CDKN2A: variants seen among roughly 807,000 people sequenced by gnomAD.
CDKN2A encodes the protein cyclin dependent kinase inhibitor 2A.
Under a neutral mutation model 11.1 loss-of-function variants are expected in CDKN2A, and 3 were observed. That is an observed-to-expected ratio of 0.27 (90% CI 0.12 to 0.70). The LOEUF (loss-of-function observed/expected upper bound fraction) is 0.70. Among genes scored for constraint, CDKN2A ranks in the 30% least tolerant of loss-of-function variants. CDKN2A has a pLI of 0.77. For synonymous variants in CDKN2A, 122 were observed against 108.1 expected, an observed-to-expected ratio of 1.13 and a Z score of -0.80; for missense variants, 265 against 233.6, an observed-to-expected ratio of 1.13 and a Z score of -0.88.
intron 2 of CDKN2A, among the ~76,000 whole-genome samples, chr9:21,987,616 TA>T (rs1324888625): frequency 6.6e-6 from 1 of 152,122 alleles, no homozygotes; most frequent in Admixed American, 6.5e-5. Flanking sequence ...GTTCTGACTG[TA>T]AAAATGTGGT....
Position 21,968,480 on chromosome 9 carries a change from C to G in CDKN2A, c.458-238G>C. ...CGCCGACCGCTCAAGCGCTCCAGGT[C>G]CACCCGGCGGAGGGCAGAGAAAGCG... On this transcript the variant is annotated intron_variant, in intron 2 of 2. Coordinates refer to ENST00000304494, the MANE Select transcript of CDKN2A (RefSeq NM_000077.5). This position sits in a 1 kb window ranked among gnomAD's most constrained non-coding sequence, Gnocchi z 4.7. 8 of 1,466,024 alleles carry G rather than the reference C, an allele frequency of 5.5e-6. 1 individual carries two copies. The South Asian group carries it at 1.1e-4, about 21-fold the overall frequency. 90.8% of individuals were successfully genotyped at this position (1,466,024 alleles called of 1,614,324 possible). A position where few individuals can be genotyped will look rare whatever the true frequency, so the allele number is the denominator to read the frequency against.
intron 2 of CDKN2A, among the ~76,000 whole-genome samples, chr9:21,985,316 T>C (rs957854827): frequency 1.3e-5 from 2 of 152,064 alleles, no homozygotes; most frequent in South Asian, 2.1e-4. Context: ...TGTTACTCTT[T>C]GATATCCTAC....
chr9:21,990,633 A>AGAGAGAGAGAGAGAGAGAGAGAGAGG (rs1208018287), intron 2 of CDKN2A, among the ~76,000 whole-genome samples: 1 of 151,584 alleles, frequency 6.6e-6, no homozygotes, highest in African/African-American at 2.4e-5. Flanking sequence ...AGAGAGAGAG[A>AGAGAGAGAGAGAGAGAGAGAGAGAGG]GAGAGAGAGA....
At chr9:21,992,590 C>G in intron 2 of CDKN2A, 1 of 345,962 alleles carries the variant, frequency 2.9e-6, no homozygotes, top group South Asian at 1.2e-4. Context: ...TTAAAATCAC[C>G]ACAATGTTAT....
intron 1 of CDKN2A, among the ~76,000 whole-genome samples, chr9:21,972,645 G>A (rs1478874108): frequency 6.6e-6 from 1 of 152,196 alleles, no homozygotes; most frequent in Non-Finnish European, 1.5e-5. Flanking sequence ...ATTTGTAACA[G>A]CAGCAGTAGG....
intron 1 of CDKN2A, among the ~76,000 whole-genome samples, chr9:21,973,402 T>C (rs146399052): frequency 6.6e-6 from 1 of 152,346 alleles, no homozygotes; most frequent in East Asian, 1.9e-4. Flanking sequence ...TCATTTCCCC[T>C]TTTCTACATG....
rs768802553 is a variant in CDKN2A at position 21,974,567 on chromosome 9, C to G, written c.150+111G>C. 2.5e-6 allele frequency: 4 copies of G among 1,613,566 alleles called. No homozygotes were observed. Among genetic ancestry groups the G allele is most frequent in the Non-Finnish European group, 3.4e-6 (4 of 1,180,030 alleles). On this transcript the variant is annotated intron_variant, in intron 1 of 2. Coordinates refer to ENST00000304494, the MANE Select transcript of CDKN2A (RefSeq NM_000077.5). The surrounding 1 kb of genome is among the most constrained non-coding windows in gnomAD (Gnocchi z 5.2). ...CCCCTTCTGAAAACTCCCCAGGAAG[C>G]CTCCCCTTTTTCCGGAGAATCGAAG...
At chr9:21,986,635 G>C (rs1820303806) in intron 2 of CDKN2A, among the ~76,000 whole-genome samples, 2 of 152,062 alleles carry the variant, frequency 1.3e-5, no homozygotes, top group South Asian at 4.1e-4. Context: ...AAAACATAAG[G>C]ATATTGTGAT....
chr9:21,992,865 C>G (rs1198207738), intron 2 of CDKN2A, among the ~76,000 whole-genome samples: 1 of 152,076 alleles, frequency 6.6e-6, no homozygotes, highest in Non-Finnish European at 1.5e-5. Context: ...AGGGTCTTGT[C>G]AATGTTTCAA....
At chr9:21,983,928 A>G (rs1820247955) in intron 2 of CDKN2A, among the ~76,000 whole-genome samples, 2 of 151,986 alleles carry the variant, frequency 1.3e-5, no homozygotes. Context: ...AAACTTTCTG[A>G]GCCTTTATTT....
intron 1 of CDKN2A, chr9:21,994,110 G>T (rs750671166): frequency 3.8e-6 from 6 of 1,594,400 alleles, no homozygotes; most frequent in Non-Finnish European, 5.1e-6. Flanking sequence ...TGCCGAATGC[G>T]CCCCGGACTT....
At chr9:21,986,325 G>A (rs544017109) in intron 2 of CDKN2A, among the ~76,000 whole-genome samples, 1 of 152,016 alleles carries the variant, frequency 6.6e-6, no homozygotes, top group Admixed American at 6.5e-5. Context: ...ATTTTTCACT[G>A]GTTTTATTTT....
Position 21,968,821 on chromosome 9 carries a change from C to T in CDKN2A, c.458-579G>A. The T allele has an allele frequency of 6.6e-7, 1 of 1,524,994 alleles. No individual in the cohort carries two copies. Among genetic ancestry groups the T allele is most frequent in the Non-Finnish European group, 8.8e-7 (1 of 1,136,896 alleles). The allele number at this position is 1,524,994 out of a possible 1,614,324, so 94.5% of individuals were successfully genotyped here. On this transcript the variant is annotated intron_variant, in intron 2 of 2. Coordinates refer to ENST00000304494, the MANE Select transcript of CDKN2A (RefSeq NM_000077.5). The surrounding 1 kb of genome is among the most constrained non-coding windows in gnomAD (Gnocchi z 4.7). Reference sequence around the variant, plus strand: ...ATTCATGTGCTCTGGCTTCTGCCTTCCTCTCTAATCTCGTTGCGTATGGGC... The same window carrying T: ...ATTCATGTGCTCTGGCTTCTGCCTTTCTCTCTAATCTCGTTGCGTATGGGC...
At chr9:21,970,756 G>C (rs545269498) in intron 2 of CDKN2A, 146 bp downstream of exon 2, 1 of 998,896 alleles carries the variant, frequency 1.0e-6, no homozygotes, top group Non-Finnish European at 1.5e-6. Flanking sequence ...GGGCGATAGG[G>C]AGACTCAGGC....
At chr9:21,994,189 A>G (rs1357555009) in intron 1 of CDKN2A, 1 of 1,606,058 alleles carries the variant, frequency 6.2e-7, no homozygotes, top group Non-Finnish European at 8.5e-7. Flanking sequence ...CCTCAGTAGC[A>G]TCAGCACGAG....
chr9:21,983,628 T>TATAG lies in CDKN2A; in HGVS notation c.-4+10250_-4+10253dup, dbSNP rs1820243397. Among the ~76,000 whole-genome samples the TATAG allele has an allele frequency of 1.3e-5, 2 of 152,076 alleles. 1 individual carries two copies. On this transcript the variant is annotated intron_variant, in intron 2 of 3. Coordinates refer to the CDKN2A transcript ENST00000494262. The stretch of plus-strand genomic sequence containing the variant: ...TTTTTAAAAAGCCACCATTTTGATT[T>TATAG]ATAGATAACAAAATGGAGGAGTGGT...
At chr9:21,984,066 G>A (rs1005752877) in intron 2 of CDKN2A, among the ~76,000 whole-genome samples, 2 of 151,910 alleles carry the variant, frequency 1.3e-5, no homozygotes, top group African/African-American at 2.4e-5. Context: ...TTAATTTTTT[G>A]AGAATATATA....
Position 21,968,875 on chromosome 9 carries a change from C to T in CDKN2A, c.458-633G>A. The T allele has an allele frequency of 9.1e-7, 1 of 1,103,042 alleles. No homozygotes were observed. The highest frequency in any genetic ancestry group is 1.3e-6 in the Non-Finnish European group (1 of 752,150). The allele number at this position is 1,103,042 out of a possible 1,614,324, so 68.3% of individuals were successfully genotyped here. A position where few individuals can be genotyped will look rare whatever the true frequency, so the allele number is the denominator to read the frequency against. On this transcript the variant is annotated intron_variant, in intron 2 of 2. Transcript: ENST00000304494. The surrounding 1 kb of genome is among the most constrained non-coding windows in gnomAD (Gnocchi z 4.7). ...AGCTCGCCGTTCGGTTCTCCCGAGG[C>T]AGCATTTACACTTGAGAGTCTCAAG... is the stretch of plus-strand genomic sequence containing the variant.
upstream of CDKN2A, among the ~76,000 whole-genome samples, chr9:21,979,498 T>G (rs3731229): frequency 0.01 from 1,532 of 152,294 alleles, 25 homozygotes; most frequent in African/African-American, 0.034. Flanking sequence ...TTTTGAGGAC[T>G]TGAGGTCCCT....
Sources: gnomAD v4.1 joint callset for allele counts (sites outside exome capture counted in the v4.1 genomes callset) on GRCh38, gnomAD v4.1.1 for gene constraint, Gnocchi (gnomAD v3.1) non-coding constraint, MANE v1.5 for transcripts, NCBI Gene and HGNC (gene_info 2026-07-23, HGNC 2026-07-21) for gene names.